The following NTNG1 variants were observed in gnomAD, a reference collection of about 807,000 sequenced individuals.
The protein encoded by NTNG1 is netrin-G1.
Under a neutral mutation model 54.0 loss-of-function variants are expected in NTNG1, and 16 were observed. The ratio of observed to expected loss-of-function variants is 0.30; its 90% CI spans 0.20 to 0.45. The LOEUF (loss-of-function observed/expected upper bound fraction) is 0.45. NTNG1 is among the 20% of genes least tolerant of loss of function. The pLI, the probability that NTNG1 is intolerant of heterozygous loss-of-function variation, is 1.00. For synonymous variants in NTNG1, 255 were observed against 263.1 expected (o/e 0.97, Z 0.30); for missense variants, 530 against 678.7 (o/e 0.78, Z 2.43).
Position 107,169,418 on chromosome 1 carries a change from A to G in NTNG1, c.246+20579A>G, listed in dbSNP as rs1453546159. On this transcript the variant is annotated intron_variant, in intron 2 of 7. Coordinates refer to ENST00000370068, the MANE Select transcript of NTNG1 (RefSeq NM_001113226.3). ...TGAAGTCTAGACTTGTAATGTAGCC[A>G]TCGCCTAAATAGTGTACATTAGATC... Among the ~76,000 whole-genome samples the G allele has an allele frequency of 9.2e-5, 14 of 152,116 alleles. 1 individual carries two copies. The highest frequency in any genetic ancestry group is 1.5e-5 in the Non-Finnish European group (1 of 68,010).
chr1:107,258,326 T>C (rs72699334), intron 2 of NTNG1, among the ~76,000 whole-genome samples: 12,270 of 151,850 alleles, frequency 0.081, 581 homozygotes, highest in Middle Eastern at 0.11. Context: ...AACTAATTGT[T>C]ACTACATTAA....
chr1:107,198,541 T>C (rs1194318088), intron 2 of NTNG1, among the ~76,000 whole-genome samples: 1 of 151,952 alleles, frequency 6.6e-6, no homozygotes, highest in Non-Finnish European at 1.5e-5. Flanking sequence ...ATAATATTTG[T>C]CCAAAAGTTC....
chr1:107,482,776 A>G lies in NTNG1; in HGVS notation c.*1936A>G, dbSNP rs1312359308. 1.3e-5 allele frequency: 2 copies of G among 152,190 alleles called. No homozygotes were observed. The highest frequency in any genetic ancestry group is 2.9e-5 in the Non-Finnish European group (2 of 68,042). The allele number at this position is 152,190 out of a possible 1,614,324, so 9.4% of individuals were successfully genotyped here. A position where few individuals can be genotyped will look rare whatever the true frequency, so the allele number is the denominator to read the frequency against. On this transcript the variant is annotated 3_prime_UTR_variant, in exon 8 of 8. Transcript: ENST00000370068. ...TGTCTCCTGATAAATAACCTGGGTAAAAACTAGATGAAGGAACAGCATGTC... is the reference window on the plus strand; with the variant it reads ...TGTCTCCTGATAAATAACCTGGGTAGAAACTAGATGAAGGAACAGCATGTC...
chr1:107,249,455 C>A lies in NTNG1; in HGVS notation c.247-74827C>A, dbSNP rs532485198. Among the ~76,000 whole-genome samples, 124 of 146,542 alleles carry A rather than the reference C, an allele frequency of 8.5e-4. 1 individual carries two copies. The highest frequency in any genetic ancestry group is 3.9e-3 in the Admixed American group (56 of 14,444). On this transcript the variant is annotated intron_variant, in intron 2 of 7. Transcript: ENST00000370068. Reference sequence around the variant, plus strand: ...CGAGATGGCGCCATTGCACTCCAGCCTGGGCAACAAGAGTGAAACTCCGTC... The same window carrying A: ...CGAGATGGCGCCATTGCACTCCAGCATGGGCAACAAGAGTGAAACTCCGTC...
intron 2 of NTNG1, among the ~76,000 whole-genome samples, chr1:107,303,987 A>G (rs1666496074): frequency 6.6e-6 from 1 of 151,676 alleles, no homozygotes; most frequent in Non-Finnish European, 1.5e-5. Context: ...GCCCGCCTCT[A>G]ATGAGTGTTT....
At chr1:107,444,232 A>G (rs1254028717) in intron 7 of NTNG1, among the ~76,000 whole-genome samples, 2 of 152,064 alleles carry the variant, frequency 1.3e-5, no homozygotes, top group Non-Finnish European at 2.9e-5. Flanking sequence ...TTCTTAATGT[A>G]AAAAGCCCAT....
chr1:107,441,553 G>C (rs1415710326), intron 7 of NTNG1, among the ~76,000 whole-genome samples: 1 of 152,120 alleles, frequency 6.6e-6, no homozygotes, highest in Non-Finnish European at 1.5e-5. Context: ...CTGAGCGCAA[G>C]TGGGAAAGGC....
chr1:107,160,509 A>G (rs1184204720), intron 2 of NTNG1, among the ~76,000 whole-genome samples: 1 of 152,082 alleles, frequency 6.6e-6, no homozygotes, highest in East Asian at 1.9e-4. Context: ...TTTATATACT[A>G]TATAATATAA....
intron 2 of NTNG1, among the ~76,000 whole-genome samples, chr1:107,301,313 A>C (rs1666296264): frequency 1.3e-5 from 2 of 150,364 alleles, no homozygotes; most frequent in African/African-American, 4.9e-5. Context: ...GAGTGGTACT[A>C]TAGGAGGCTA....
At chr1:107,144,605 G>A (rs1198432964) in intron 1 of NTNG1, among the ~76,000 whole-genome samples, 2 of 151,886 alleles carry the variant, frequency 1.3e-5, no homozygotes, top group Non-Finnish European at 2.9e-5. Context: ...GAAAGAAAGG[G>A]CCTGTGAAAA....
At chr1:107,409,403 T>C (rs1673652979) in intron 5 of NTNG1, 1 of 152,214 alleles carries the variant, frequency 6.6e-6, no homozygotes, top group Admixed American at 6.5e-5. Context: ...GTGTCAGTTG[T>C]ATGTTGCATG....
At chr1:107,199,125 G>A (rs1481730085) in intron 2 of NTNG1, among the ~76,000 whole-genome samples, 1 of 151,494 alleles carries the variant, frequency 6.6e-6, no homozygotes, top group African/African-American at 2.4e-5. Context: ...TTTTAAAAGT[G>A]CACCCTTCTT....
At chr1:107,431,968 C>T (rs1280373614) in intron 6 of NTNG1, among the ~76,000 whole-genome samples, 1 of 151,966 alleles carries the variant, frequency 6.6e-6, no homozygotes, top group Non-Finnish European at 1.5e-5. Flanking sequence ...CGTCAAGATC[C>T]AAGTGTCACA....
intron 2 of NTNG1, among the ~76,000 whole-genome samples, chr1:107,270,273 C>T (rs1664054729): frequency 6.6e-6 from 1 of 151,906 alleles, no homozygotes; most frequent in Admixed American, 6.6e-5. Context: ...TTATTATTTC[C>T]ACAGATAGTT....
intron 7 of NTNG1, 93 bp downstream of exon 7, chr1:107,436,892 A>G (rs1675635078): frequency 4.2e-6 from 5 of 1,184,000 alleles, no homozygotes; most frequent in Admixed American, 2.2e-5. Flanking sequence ...GAGCAGAAAA[A>G]GATCCAAACC....
chr1:107,350,977 G>A (rs1390278192), intron 3 of NTNG1, among the ~76,000 whole-genome samples: 1 of 152,154 alleles, frequency 6.6e-6, no homozygotes, highest in East Asian at 1.9e-4. Flanking sequence ...TAAGAATATA[G>A]ATCTTAAATG....
intron 2 of NTNG1, among the ~76,000 whole-genome samples, chr1:107,251,921 A>G (rs1235806226): frequency 6.6e-6 from 1 of 152,248 alleles, no homozygotes; most frequent in African/African-American, 2.4e-5. Flanking sequence ...GAAAGCCTAC[A>G]TACCAAAATA....
At chr1:107,273,288 T>C (rs1231735153) in intron 2 of NTNG1, among the ~76,000 whole-genome samples, 2 of 152,172 alleles carry the variant, frequency 1.3e-5, no homozygotes, top group East Asian at 3.8e-4. Flanking sequence ...AGGGAGAGCC[T>C]GGAATCAGAC....
At chr1:107,226,735 A>G (rs1660714555) in intron 2 of NTNG1, among the ~76,000 whole-genome samples, 1 of 152,134 alleles carries the variant, frequency 6.6e-6, no homozygotes, top group South Asian at 2.1e-4. Flanking sequence ...GTTATTACAC[A>G]GAGAGTTGCT....
Sources: gnomAD v4.1 joint callset for allele counts (sites outside exome capture counted in the v4.1 genomes callset) on GRCh38, gnomAD v4.1.1 for gene constraint, MANE v1.5 for transcripts, NCBI Gene and HGNC (gene_info 2026-07-23, HGNC 2026-07-21) for gene names.